The following KIT variants were observed in gnomAD, a reference collection of about 807,000 sequenced individuals.
KIT encodes KIT proto-oncogene, receptor tyrosine kinase.
KIT carries 16 observed loss-of-function variants against 105.7 expected under a neutral mutation model. That is an observed-to-expected ratio of 0.15 (90% CI 0.10 to 0.23). The LOEUF (loss-of-function observed/expected upper bound fraction) is 0.23. Ranked by LOEUF, KIT falls within the 10% of genes least tolerant of loss-of-function variation. The pLI is 1.00. For missense variants in KIT, 858 were observed against 1,213.8 expected (o/e 0.71, Z 4.36); for synonymous variants, 438 against 441.1 (o/e 0.99, Z 0.09).
In KIT at chr4:54,699,580, T is replaced by C. The variant is rs780633083; in HGVS notation, c.620-50T>C. On this transcript the variant is annotated intron_variant, in intron 3 of 20. Coordinates refer to ENST00000288135, the MANE Select transcript of KIT (RefSeq NM_000222.3). The stretch of plus-strand genomic sequence containing the variant: ...TGAGGAGAAATGGTAAATCAAAATT[T>C]CATGCTATAATACAAATTATTTGAG... 3.7e-6 allele frequency: 6 copies of C among 1,606,754 alleles called. No homozygotes were observed. In the Admixed American group the frequency reaches 1.0e-4, roughly 27 times the overall value.
At chr4:54,687,092 G>C (rs1477789038) in intron 1 of KIT, among the ~76,000 whole-genome samples, 1 of 152,050 alleles carries the variant, frequency 6.6e-6, no homozygotes, top group African/African-American at 2.4e-5. Flanking sequence ...AAATACATTT[G>C]ATTTTACCTT....
At chr4:54,694,948 G>C (rs181420916) in intron 1 of KIT, among the ~76,000 whole-genome samples, 50 of 152,262 alleles carry the variant, frequency 3.3e-4, no homozygotes, top group African/African-American at 1.2e-3. Context: ...TGTTAAAACA[G>C]GTGTATCATT....
chr4:54,658,233 C>T (rs965950903), intron 1 of KIT, 152 bp downstream of exon 1: 10 of 763,914 alleles, frequency 1.3e-5, no homozygotes, highest in Non-Finnish European at 2.2e-5. Context: ...AGGTGGCCCT[C>T]GGACTCTCCG....
At chr4:54,735,366 C>CAAAAAAAAAAAAAAAAAAA (rs60429188) in intron 17 of KIT, among the ~76,000 whole-genome samples, 1 of 86,266 alleles carries the variant, frequency 1.2e-5, no homozygotes, top group Admixed American at 1.3e-4. Flanking sequence ...ACTTTAACAC[C>CAAAAAAAAAAAAAAAAAAA]AAAAAAAAAA....
intron 1 of KIT, among the ~76,000 whole-genome samples, chr4:54,672,557 C>A (rs1264893924): frequency 2.0e-5 from 3 of 152,084 alleles, no homozygotes; most frequent in Non-Finnish European, 4.4e-5. Flanking sequence ...TCTTTACTCT[C>A]CTGAGCTGGG....
intron 1 of KIT, among the ~76,000 whole-genome samples, chr4:54,674,265 T>C (rs1446930471): frequency 1.3e-5 from 2 of 152,184 alleles, no homozygotes; most frequent in Non-Finnish European, 2.9e-5. Flanking sequence ...TGCTAATTCA[T>C]AGGAGTCAGA....
chr4:54,736,963 T>A, intron 19 of KIT, 143 bp downstream of exon 19: 3 of 748,002 alleles, frequency 4.0e-6, no homozygotes. Flanking sequence ...TCAAATGTCA[T>A]TTCTGTAGTT....
chr4:54,729,067 C>G (rs533652660), intron 13 of KIT, among the ~76,000 whole-genome samples: 2 of 152,184 alleles, frequency 1.3e-5, no homozygotes, highest in African/African-American at 4.8e-5. Flanking sequence ...AGTAACTTCT[C>G]TCTGTAAAAC....
intron 1 of KIT, among the ~76,000 whole-genome samples, chr4:54,666,076 C>T (rs896752019): frequency 4.6e-5 from 7 of 152,092 alleles, no homozygotes; most frequent in African/African-American, 1.4e-4. Flanking sequence ...ATAGAATTGA[C>T]GAAAGCTTTG....
Position 54,694,473 on chromosome 4 carries a change from C to T in KIT, c.68-1039C>T, listed in dbSNP as rs192884798. On this transcript the variant is annotated intron_variant, in intron 1 of 20. Coordinates refer to ENST00000288135, the MANE Select transcript of KIT (RefSeq NM_000222.3). Reference sequence around the variant, plus strand: ...CTTAAGTGATCTCCCACCTCAGCCTCCCGCCTCAGCCTCCCATGTAGCTGG... The same window carrying T: ...CTTAAGTGATCTCCCACCTCAGCCTTCCGCCTCAGCCTCCCATGTAGCTGG... 9.1e-4 allele frequency among the ~76,000 whole-genome samples: 139 copies of T among 152,296 alleles called. 1 individual carries two copies. Among genetic ancestry groups the T allele is most frequent in the African/African-American group, 3.2e-3 (134 of 41,548 alleles).
chr4:54,690,164 T>C (rs1719605257), intron 1 of KIT, among the ~76,000 whole-genome samples: 1 of 152,144 alleles, frequency 6.6e-6, no homozygotes, highest in Non-Finnish European at 1.5e-5. Flanking sequence ...ATTTGGGTTG[T>C]TTACACCTTT....
chr4:54,683,899 A>C (rs1362225528), intron 1 of KIT, among the ~76,000 whole-genome samples: 6 of 152,196 alleles, frequency 3.9e-5, no homozygotes, highest in African/African-American at 1.4e-4. Context: ...AATGTTGAGG[A>C]ATCTGAGTGG....
chr4:54,723,689 C>A lies in KIT; in HGVS notation c.1337C>A (p.Thr446Asn), dbSNP rs761984908. 1.9e-6 allele frequency: 3 copies of A among 1,603,360 alleles called. No homozygotes were observed. Among genetic ancestry groups the A allele is most frequent in the Non-Finnish European group, 2.6e-6 (3 of 1,170,392 alleles). Residue 446 changes from threonine (T) to asparagine (N), a missense_variant, in exon 8 of 21, where the codon ACT becomes AAT. Physicochemically the swap from Thr to Asn is moderately conservative, Grantham distance 65. Around this residue, in one of 7 missense-constraint regions of KIT, gnomAD observed 401 missense variants for 601.0 expected, o/e 0.67. Transcript: ENST00000288135. ...PTIDWYFCPG[T>N]EQRCSASVLP... ...ATAGATTGGTATTTTTGTCCAGGAA[C>A]TGAGCAGAGGTGAGATGATTATTTT...
intron 16 of KIT, 50 bp from the exon 17 acceptor site, chr4:54,733,020 A>G (rs201668948): frequency 3.9e-6 from 6 of 1,548,502 alleles, no homozygotes; most frequent in Non-Finnish European, 2.7e-6. Context: ...TTCACTCTTT[A>G]CAAGTTAAAA....
chr4:54,705,949 C>T (rs1720762538), intron 5 of KIT, among the ~76,000 whole-genome samples: 1 of 152,118 alleles, frequency 6.6e-6, no homozygotes, highest in African/African-American at 2.4e-5. Flanking sequence ...GTACTTAAAG[C>T]AGTTCTTAAC....
intron 5 of KIT, among the ~76,000 whole-genome samples, chr4:54,706,371 G>C (rs1035608226): frequency 1.3e-5 from 2 of 152,042 alleles, no homozygotes; most frequent in Non-Finnish European, 2.9e-5. Flanking sequence ...AGTGAAAAGT[G>C]ATGTCTTATT....
chr4:54,721,270 G>A (rs1403458275), intron 7 of KIT, among the ~76,000 whole-genome samples: 8 of 152,204 alleles, frequency 5.3e-5, no homozygotes, highest in Admixed American at 3.9e-4. Context: ...GTTTAGGCTT[G>A]CTTAGAAAAG....
At position 54,698,396 on chromosome 4, in the gene KIT, G is replaced by A. The variant is rs776858609; in HGVS notation, c.450G>A (p.Gly150=). 9 of 1,614,178 alleles carry A rather than the reference G, an allele frequency of 5.6e-6. No individual in the cohort carries two copies. Among genetic ancestry groups the A allele is most frequent in the Non-Finnish European group, 7.6e-6 (9 of 1,180,028 alleles). The change falls in exon 3 of 21, where the codon GGG becomes GGA. Residue 150 remains glycine, a synonymous_variant. Coordinates refer to ENST00000288135, the MANE Select transcript of KIT (RefSeq NM_000222.3). ...DPEVTNYSLK[G]CQGKPLPKDL... ...AAGTGACCAATTATTCCCTCAAGGG[G>A]TGCCAGGGGAAGCCTCTTCCCAAGG... is the stretch of plus-strand genomic sequence containing the variant.
intron 7 of KIT, among the ~76,000 whole-genome samples, chr4:54,720,318 T>C (rs1007751732): frequency 6.6e-6 from 1 of 152,194 alleles, no homozygotes; most frequent in African/African-American, 2.4e-5. Flanking sequence ...CCTCAGGTTA[T>C]GACCCACCTG....
Sources: allele counts gnomAD v4.1 joint callset (sites outside exome capture counted in the v4.1 genomes callset), GRCh38; gene constraint gnomAD v4.1.1; regional missense constraint gnomAD v4.1.1; transcripts MANE v1.5; gene names NCBI Gene and HGNC (gene_info 2026-07-23, HGNC 2026-07-21).